Variants in ADAMTS19 observed in about 807,000 individuals in gnomAD.
ADAMTS19 encodes A disintegrin and metalloproteinase with thrombospondin motifs 19.
A neutral mutation model predicts 153.3 loss-of-function variants in ADAMTS19; 93 were observed. That is an observed-to-expected ratio of 0.61 (90% CI 0.51 to 0.72). ADAMTS19 has a LOEUF of 0.72. Among genes scored for constraint, ADAMTS19 ranks in the 30% least tolerant of loss-of-function variants. ADAMTS19 has a pLI of 0.00. For missense variants in ADAMTS19, 1,482 were observed against 1,552.1 expected (o/e 0.95, Z 0.76); for synonymous variants, 600 against 556.6 (o/e 1.08, Z -1.10).
intron 7 of ADAMTS19, among the ~76,000 whole-genome samples, chr5:129,565,072 A>T (rs983044102): frequency 7.2e-5 from 11 of 152,230 alleles, no homozygotes; most frequent in African/African-American, 2.7e-4. Flanking sequence ...GATATTAAAC[A>T]CACTAATCAG....
intron 21 of ADAMTS19, among the ~76,000 whole-genome samples, chr5:129,730,504 T>A (rs1056364825): frequency 1.3e-5 from 2 of 152,158 alleles, no homozygotes; most frequent in Admixed American, 1.3e-4. Flanking sequence ...TAGGCTTCAT[T>A]ATTGAACATG....
chr5:129,469,433 A>G (rs1262624548), intron 2 of ADAMTS19, among the ~76,000 whole-genome samples: 2 of 152,216 alleles, frequency 1.3e-5, no homozygotes, highest in African/African-American at 4.8e-5. Flanking sequence ...ATTTAATCTT[A>G]CACCTTGTAG....
intron 2 of ADAMTS19, among the ~76,000 whole-genome samples, chr5:129,494,896 T>G (rs373283244): frequency 2.6e-5 from 4 of 152,138 alleles, no homozygotes; most frequent in African/African-American, 7.2e-5. Flanking sequence ...CCAGTCATTT[T>G]CATTGCAACA....
intron 2 of ADAMTS19, among the ~76,000 whole-genome samples, chr5:129,508,524 G>C (rs1027270720): frequency 6.6e-6 from 1 of 151,878 alleles, no homozygotes; most frequent in African/African-American, 2.4e-5. Context: ...AATGAAACTT[G>C]TTTATGTAAG....
chr5:129,533,353 T>C (rs1752283531), intron 6 of ADAMTS19, among the ~76,000 whole-genome samples: 1 of 152,208 alleles, frequency 6.6e-6, no homozygotes, highest in African/African-American at 2.4e-5. Flanking sequence ...ATTTAACTTG[T>C]GTATATTTTA....
At chr5:129,666,402 C>A (rs1180933647) in intron 16 of ADAMTS19, among the ~76,000 whole-genome samples, 2 of 151,436 alleles carry the variant, frequency 1.3e-5, no homozygotes, top group African/African-American at 2.4e-5. Context: ...AAAAAAAGCT[C>A]TCAAGCCTAT....
intron 2 of ADAMTS19, among the ~76,000 whole-genome samples, chr5:129,462,865 A>G (rs1749729915): frequency 6.6e-6 from 1 of 152,204 alleles, no homozygotes; most frequent in Admixed American, 6.5e-5. Context: ...AAGAACTTGC[A>G]TGGAAGCAAA....
intron 8 of ADAMTS19, among the ~76,000 whole-genome samples, chr5:129,619,759 A>G (rs1164643121): frequency 6.6e-6 from 1 of 152,006 alleles, no homozygotes; most frequent in Non-Finnish European, 1.5e-5. Flanking sequence ...AATAGTAACT[A>G]TAGGATAGAA....
chr5:129,628,346 A>G (rs1040244002), intron 10 of ADAMTS19, among the ~76,000 whole-genome samples: 4 of 151,998 alleles, frequency 2.6e-5, no homozygotes, highest in Non-Finnish European at 5.9e-5. Context: ...AAAAATAACT[A>G]TTGAGTACTA....
intron 21 of ADAMTS19, among the ~76,000 whole-genome samples, chr5:129,707,144 C>T (rs1304714865): frequency 6.6e-6 from 1 of 152,180 alleles, no homozygotes; most frequent in Non-Finnish European, 1.5e-5. Context: ...GTGAGACCCA[C>T]TTTAAGGAGG....
chr5:129,517,293 G>C (rs563295023), intron 3 of ADAMTS19, among the ~76,000 whole-genome samples: 1 of 152,020 alleles, frequency 6.6e-6, no homozygotes, highest in South Asian at 2.1e-4. Context: ...ATCTTTATTA[G>C]AGTCATTTGG....
chr5:129,616,430 T>G (rs1401093522), intron 8 of ADAMTS19, among the ~76,000 whole-genome samples: 1 of 152,014 alleles, frequency 6.6e-6, no homozygotes, highest in East Asian at 1.9e-4. Flanking sequence ...AAAATATTAC[T>G]GTTTACAAAT....
rs1757601488 is a variant in ADAMTS19 at position 129,734,977 on chromosome 5, T to C, written c.3358T>C (p.Cys1120Arg). 6.2e-7 allele frequency: 1 copy of C among 1,611,582 alleles called. No individual in the cohort carries two copies. The highest frequency in any genetic ancestry group is 1.3e-5 in the African/African-American group (1 of 74,858). Residue 1120 changes from cysteine to arginine, a missense_variant, in exon 22 of 23, where the codon TGC (cysteine) becomes CGC (arginine). This residue lies in a region of ADAMTS19 where 616 missense variants were observed against 724.4 expected (regional missense o/e 0.85). Transcript: ENST00000274487. ...AGGAATGCAGTCCCGTGTAATCCAA[T>C]GCATGCATAAGATCACAGGAAGACA... is the stretch of plus-strand genomic sequence containing the variant. ...GKGMQSRVIQ[C>R]MHKITGRHGN...
At chr5:129,491,909 G>A (rs1750783619) in intron 2 of ADAMTS19, among the ~76,000 whole-genome samples, 2 of 152,134 alleles carry the variant, frequency 1.3e-5, no homozygotes, top group African/African-American at 2.4e-5. Context: ...ATATGTGTAT[G>A]CATAAAGATA....
At chr5:129,732,321 G>A (rs1030646027) in intron 21 of ADAMTS19, among the ~76,000 whole-genome samples, 4 of 152,156 alleles carry the variant, frequency 2.6e-5, no homozygotes, top group South Asian at 4.1e-4. Context: ...GGAAGTCCTG[G>A]CCAGAGCAAT....
chr5:129,509,511 G>A (rs1433845471), intron 3 of ADAMTS19, among the ~76,000 whole-genome samples: 1 of 151,792 alleles, frequency 6.6e-6, no homozygotes, highest in Non-Finnish European at 1.5e-5. Flanking sequence ...TGTTCCTCAT[G>A]GGATACTGTT....
intron 2 of ADAMTS19, among the ~76,000 whole-genome samples, chr5:129,491,137 G>T (rs1197420485): frequency 2.0e-5 from 3 of 152,094 alleles, no homozygotes; most frequent in Non-Finnish European, 4.4e-5. Context: ...AAGTAGCTGG[G>T]ACTACGGGTG....
intron 6 of ADAMTS19, among the ~76,000 whole-genome samples, chr5:129,545,617 C>CA (rs1752827207): frequency 1.3e-5 from 2 of 151,352 alleles, no homozygotes; most frequent in African/African-American, 4.9e-5. Context: ...TTTATGCAGC[C>CA]AAAAAACACA....
intron 3 of ADAMTS19, among the ~76,000 whole-genome samples, chr5:129,525,273 A>G (rs1034712784): frequency 5.3e-5 from 8 of 152,078 alleles, no homozygotes; most frequent in Non-Finnish European, 8.8e-5. Flanking sequence ...GTGTATGCAT[A>G]TGATGCTTCT....
Sources: gnomAD v4.1 joint callset for allele counts (sites outside exome capture counted in the v4.1 genomes callset) on GRCh38, gnomAD v4.1.1 for gene constraint, gnomAD v4.1.1 regional missense constraint, MANE v1.5 for transcripts, NCBI Gene and HGNC (gene_info 2026-07-23, HGNC 2026-07-21) for gene names.